The following PRKCA variants were observed in gnomAD, a reference collection of about 807,000 sequenced individuals.
PRKCA encodes protein kinase C alpha.
A neutral mutation model predicts 87.0 loss-of-function variants in PRKCA; 27 were observed. That is an observed-to-expected ratio of 0.31 (90% CI 0.23 to 0.43). PRKCA has a LOEUF of 0.43. Among genes scored for constraint, PRKCA ranks in the 20% least tolerant of loss-of-function variants. PRKCA has a pLI of 1.00. For synonymous variants in PRKCA, 329 were observed against 311.1 expected, an observed-to-expected ratio of 1.06 and a Z score of -0.61; for missense variants, 518 against 852.3, an observed-to-expected ratio of 0.61 and a Z score of 4.88.
chr17:66,607,197 A>G (rs1477533023), intron 3 of PRKCA, among the ~76,000 whole-genome samples: 1 of 152,226 alleles, frequency 6.6e-6, no homozygotes, highest in African/African-American at 2.4e-5. Context: ...TAAAATACTA[A>G]TGAAGCATTT....
In PRKCA at chr17:66,774,004, G is replaced by A. The variant is rs774268024; in HGVS notation, c.1542G>A (p.Pro514=). 57 of 1,613,810 alleles carry A rather than the reference G, an allele frequency of 3.5e-5. No homozygotes were observed. The highest frequency in any genetic ancestry group is 8.0e-5 in the African/African-American group (6 of 74,886). The change falls in exon 14 of 17, where the codon CCG becomes CCA. Residue 514 remains proline, a synonymous_variant. Transcript: ENST00000413366. Reference sequence around the variant, plus strand: ...TCACACAGATAATCGCTTATCAGCCGTATGGAAAATCTGTGGACTGGTGGG... The same window carrying A: ...TCACACAGATAATCGCTTATCAGCCATATGGAAAATCTGTGGACTGGTGGG... ...YIAPEIIAYQ[P]YGKSVDWWAY...
chr17:66,339,240 T>C (rs1906892280), intron 2 of PRKCA, among the ~76,000 whole-genome samples: 1 of 152,202 alleles, frequency 6.6e-6, no homozygotes, highest in African/African-American at 2.4e-5. Flanking sequence ...AAGTTTCCAG[T>C]CTATTCTTCC....
At chr17:66,390,286 A>G (rs775167671) in intron 2 of PRKCA, among the ~76,000 whole-genome samples, 2 of 152,214 alleles carry the variant, frequency 1.3e-5, no homozygotes, top group Non-Finnish European at 1.5e-5. Flanking sequence ...GTTTTCCTAT[A>G]TTCTGCGATG....
chr17:66,477,244 T>C (rs1484911751), intron 2 of PRKCA, among the ~76,000 whole-genome samples: 4 of 152,192 alleles, frequency 2.6e-5, no homozygotes, highest in East Asian at 3.8e-4. Flanking sequence ...AAAAATATCA[T>C]GTTAATGTTA....
chr17:66,752,020 G>A (rs148252210), intron 13 of PRKCA, among the ~76,000 whole-genome samples: 47 of 152,338 alleles, frequency 3.1e-4, no homozygotes, highest in African/African-American at 1.1e-3. Flanking sequence ...CAGCACTGGG[G>A]ATTACATTTC....
chr17:66,519,855 C>A (rs1004765119), intron 3 of PRKCA, among the ~76,000 whole-genome samples: 2 of 152,180 alleles, frequency 1.3e-5, no homozygotes, highest in Non-Finnish European at 1.5e-5. Flanking sequence ...AGAATCACAA[C>A]CCTAGACTAT....
At chr17:66,724,371 T>A (rs774569729) in intron 8 of PRKCA, among the ~76,000 whole-genome samples, 1 of 151,400 alleles carries the variant, frequency 6.6e-6, no homozygotes, top group African/African-American at 2.4e-5. Context: ...TGGAGGACAG[T>A]TTCACAGGAG....
At chr17:66,777,468 G>T (rs888409205) in intron 14 of PRKCA, 1 of 955,884 alleles carries the variant, frequency 1.0e-6, no homozygotes, top group African/African-American at 2.1e-5. Context: ...GGCCAAATAC[G>T]TCCGGGTGTA....
chr17:66,719,547 A>C (rs952303234), intron 8 of PRKCA, among the ~76,000 whole-genome samples: 2 of 152,236 alleles, frequency 1.3e-5, no homozygotes, highest in South Asian at 4.1e-4. Context: ...TGGGTGGATC[A>C]CTTGAGGTCA....
intron 2 of PRKCA, among the ~76,000 whole-genome samples, chr17:66,473,322 G>A (rs1342531697): frequency 6.6e-6 from 1 of 152,148 alleles, no homozygotes; most frequent in Non-Finnish European, 1.5e-5. Context: ...TCACATGCAT[G>A]TGGATTGCAC....
rs545594992 is a variant in PRKCA at position 66,536,737 on chromosome 17, G to C, written c.288+40454G>C. On this transcript the variant is annotated intron_variant, in intron 3 of 16. Coordinates refer to ENST00000413366, the MANE Select transcript of PRKCA (RefSeq NM_002737.3). ...AGAGCTAACGAGACAGGCTCCAACT[G>C]CTCTTCTCCCGTGGGAATTGCAGTT... is the stretch of plus-strand genomic sequence containing the variant. Among the ~76,000 whole-genome samples the C allele has an allele frequency of 1.1e-4, 17 of 152,314 alleles. No individual in the cohort carries two copies. The East Asian group carries it at 2.5e-3, about 22-fold the overall frequency.
chr17:66,536,089 TTTTTA>T (rs1304909184), intron 3 of PRKCA, among the ~76,000 whole-genome samples: 2 of 152,212 alleles, frequency 1.3e-5, no homozygotes, highest in East Asian at 3.8e-4. Flanking sequence ...AATTGCTCTA[TTTTTA>T]TTTTTATTTT....
At chr17:66,617,784 C>T (rs1038042997) in intron 3 of PRKCA, among the ~76,000 whole-genome samples, 2 of 152,122 alleles carry the variant, frequency 1.3e-5, no homozygotes, top group African/African-American at 4.8e-5. Context: ...AAATGAAGCA[C>T]TTATATGACT....
At chr17:66,321,422 T>C (rs191031661) in intron 2 of PRKCA, among the ~76,000 whole-genome samples, 9 of 152,232 alleles carry the variant, frequency 5.9e-5, no homozygotes, top group East Asian at 5.8e-4. Flanking sequence ...TTGAAAAATT[T>C]TGATAGAACT....
chr17:66,784,994 C>T lies in PRKCA; in HGVS notation c.1606-1873C>T, dbSNP rs968557008. Among the ~76,000 whole-genome samples, 7 of 152,344 alleles carry T rather than the reference C, an allele frequency of 4.6e-5. No individual in the cohort carries two copies. The East Asian group carries it at 1.4e-3, about 29-fold the overall frequency. ...CAGGCTCATTTTAGCTCTCTTCACC[C>T]ACCTGCAGCTTCCACCAAATTGAAC... is the stretch of plus-strand genomic sequence containing the variant. On this transcript the variant is annotated intron_variant, in intron 14 of 16. Coordinates refer to ENST00000413366, the MANE Select transcript of PRKCA (RefSeq NM_002737.3).
At chr17:66,660,892 G>A (rs2143897832) in intron 5 of PRKCA, among the ~76,000 whole-genome samples, 1 of 151,980 alleles carries the variant, frequency 6.6e-6, no homozygotes, top group South Asian at 2.1e-4. Flanking sequence ...CTGGGCAACA[G>A]AGCAAGACGC....
At chr17:66,451,840 C>T (rs1054892545) in intron 2 of PRKCA, among the ~76,000 whole-genome samples, 10 of 152,188 alleles carry the variant, frequency 6.6e-5, no homozygotes, top group African/African-American at 1.2e-4. Context: ...ATTTCCTGTA[C>T]AATTTGGCTA....
chr17:66,312,707 C>G (rs931482843), intron 2 of PRKCA, among the ~76,000 whole-genome samples: 1 of 145,896 alleles, frequency 6.9e-6, no homozygotes, highest in African/African-American at 2.5e-5. Flanking sequence ...TTGTCCTATT[C>G]TACATGTTCT....
intron 2 of PRKCA, among the ~76,000 whole-genome samples, chr17:66,327,796 G>T (rs1236956328): frequency 6.6e-6 from 1 of 152,098 alleles, no homozygotes; most frequent in Non-Finnish European, 1.5e-5. Flanking sequence ...TGAAATTTTA[G>T]GTGACTATTC....
Sources: gnomAD v4.1 joint callset for allele counts (sites outside exome capture counted in the v4.1 genomes callset) on GRCh38, gnomAD v4.1.1 for gene constraint, MANE v1.5 for transcripts, NCBI Gene and HGNC (gene_info 2026-07-23, HGNC 2026-07-21) for gene names.